TLDC2: variants seen among roughly 807,000 people sequenced by gnomAD.
The protein encoded by TLDC2 is TLD domain-containing protein 2.
Under a neutral mutation model 27.9 loss-of-function variants are expected in TLDC2, and 23 were observed. The observed-to-expected ratio is 0.82, with a 90% CI of 0.59 to 1.17. The LOEUF (loss-of-function observed/expected upper bound fraction) is 1.17. TLDC2 is among the 50% of genes most tolerant of loss of function. The pLI is 0.00. For synonymous variants in TLDC2, 124 were observed against 107.4 expected (o/e 1.16, Z -0.96); for missense variants, 286 against 273.4 (o/e 1.05, Z -0.32).
intron 4 of TLDC2, among the ~76,000 whole-genome samples, chr20:36,881,730 G>GGA (rs1601097441): frequency 6.6e-6 from 1 of 152,172 alleles, no homozygotes; most frequent in East Asian, 1.9e-4. Flanking sequence ...GGAGGGGAGG[G>GGA]GAGAGAAGCG....
rs1319450129 is a variant in TLDC2 at position 36,886,706 on chromosome 20, G to A, written c.439-749G>A. On this transcript the variant is annotated intron_variant, in intron 4 of 6. Coordinates refer to ENST00000217320, the MANE Select transcript of TLDC2 (RefSeq NM_080628.3). Reference sequence around the variant, plus strand: ...ACTCCTGGCCTCAAGTGATCCTCCCGCCTCAGCCTACTGAGTAGCTGGGAT... The same window carrying A: ...ACTCCTGGCCTCAAGTGATCCTCCCACCTCAGCCTACTGAGTAGCTGGGAT... Among the ~76,000 whole-genome samples, 7 of 152,064 alleles carry A rather than the reference G, an allele frequency of 4.6e-5. 1 individual carries two copies. The highest frequency in any genetic ancestry group is 4.6e-4 in the Admixed American group (7 of 15,266).
Position 36,886,070 on chromosome 20 carries a change from G to C in TLDC2, c.439-1385G>C, listed in dbSNP as rs114179192. 1.6e-4 allele frequency among the ~76,000 whole-genome samples: 24 copies of C among 152,304 alleles called. No individual in the cohort carries two copies. In the South Asian group the frequency reaches 4.6e-3, roughly 29 times the overall value. ...GCTAATGTGTAGTCAATAAGGGGGA[G>C]AAGGGGCCAGAGAGAAAATCAGGGG... is the stretch of plus-strand genomic sequence containing the variant. On this transcript the variant is annotated intron_variant, in intron 4 of 6. Transcript: ENST00000217320.
intron 4 of TLDC2, among the ~76,000 whole-genome samples, chr20:36,883,535 G>C (rs1372248487): frequency 6.6e-6 from 1 of 152,186 alleles, no homozygotes; most frequent in East Asian, 1.9e-4. Flanking sequence ...CAAAGTGAAT[G>C]GCATCTCCAT....
chr20:36,887,546 C>T lies in TLDC2; in HGVS notation c.512+18C>T. 1 of 1,611,858 alleles carries T rather than the reference C, an allele frequency of 6.2e-7. No individual in the cohort carries two copies. The highest frequency in any genetic ancestry group is 8.5e-7 in the Non-Finnish European group (1 of 1,177,956). ...AGTGGCAGGTGAGTGTCTCAGTCTTCCCGAGTCTTGGGGCGGTCTGTGTTC... is the reference window on the plus strand; with the variant it reads ...AGTGGCAGGTGAGTGTCTCAGTCTTTCCGAGTCTTGGGGCGGTCTGTGTTC... On this transcript the variant is annotated intron_variant, in intron 5 of 6. Coordinates refer to ENST00000217320, the MANE Select transcript of TLDC2 (RefSeq NM_080628.3).
Position 36,893,220 on chromosome 20 carries a change from CTGTG to C in TLDC2, c.*377_*380del. On this transcript the variant is annotated 3_prime_UTR_variant, in exon 7 of 7. Coordinates refer to ENST00000217320, the MANE Select transcript of TLDC2 (RefSeq NM_080628.3). Reference sequence around the variant, plus strand: ...AGGGAAACTCCAAATTACATATGCCCTGTGCTTGGGGCAAATTAGAAACACTACA... The same window carrying C: ...AGGGAAACTCCAAATTACATATGCCCCTTGGGGCAAATTAGAAACACTACA... The C allele has an allele frequency of 1.1e-6, 1 of 902,832 alleles. No homozygotes were observed. Among genetic ancestry groups the C allele is most frequent in the Non-Finnish European group, 1.7e-6 (1 of 582,580 alleles). 55.9% of individuals were successfully genotyped at this position (902,832 alleles called of 1,614,324 possible). A position where few individuals can be genotyped will look rare whatever the true frequency, so the allele number is the denominator to read the frequency against.
At chr20:36,882,665 G>A (rs1268064630) in intron 4 of TLDC2, among the ~76,000 whole-genome samples, 10 of 152,170 alleles carry the variant, frequency 6.6e-5, no homozygotes, top group Admixed American at 5.9e-4. Context: ...ATGACAGGGA[G>A]TTCACAAGGA....
At chr20:36,877,765 T>C (rs1485115569) in intron 1 of TLDC2, 134 bp from the exon 2 acceptor site, 3 of 1,042,098 alleles carry the variant, frequency 2.9e-6, no homozygotes, top group African/African-American at 1.6e-5. Context: ...CCAACTACCC[T>C]GGGCTGGGCT....
At chr20:36,891,694 CTT>C (rs1264718810) in intron 6 of TLDC2, 2 of 148,658 alleles carry the variant, frequency 1.3e-5, no homozygotes, top group East Asian at 2.0e-4. Flanking sequence ...AGTGTTTGTG[CTT>C]TTTTTTTTGG....
chr20:36,893,015 C>T lies in TLDC2; in HGVS notation c.*171C>T, dbSNP rs761596589. 3.0e-5 allele frequency: 48 copies of T among 1,613,810 alleles called. 3 individuals are homozygous for T. In the Middle Eastern group the frequency reaches 5.6e-3, roughly 189 times the overall value. The stretch of plus-strand genomic sequence containing the variant: ...GTTGGATTTTGGACTGAAGTACTGT[C>T]GTTCCATTCCTTTTTTTGAGGTGTT... On this transcript the variant is annotated 3_prime_UTR_variant, in exon 7 of 7. Coordinates refer to ENST00000217320, the MANE Select transcript of TLDC2 (RefSeq NM_080628.3).
chr20:36,883,586 C>T (rs1568750602), intron 4 of TLDC2, among the ~76,000 whole-genome samples: 1 of 152,198 alleles, frequency 6.6e-6, no homozygotes, highest in East Asian at 1.9e-4. Flanking sequence ...TCTTCCTTAA[C>T]TCTTGTCTTT....
intron 6 of TLDC2, chr20:36,889,766 A>G (rs1990014742): frequency 6.1e-6 from 1 of 163,534 alleles, no homozygotes; most frequent in Admixed American, 6.4e-5. Flanking sequence ...CCTCATGAAC[A>G]TTATCATTTT....
rs775416975 is a variant in TLDC2 at position 36,880,715 on chromosome 20, G to A, written c.403G>A (p.Glu135Lys). 13 of 1,614,070 alleles carry A rather than the reference G, an allele frequency of 8.1e-6. No homozygotes were observed. In the Admixed American group the frequency reaches 1.0e-4, roughly 12 times the overall value. ...CAGCAAAGGCTTCTATGGTACTGGC[G>A]AGACATTCCTCTTCTCCTTCTCCCC... ...RLSKGFYGTG[E>K]TFLFSFSPQL... The change falls in exon 4 of 7, where the codon GAG (glutamate) becomes AAG (lysine). Residue 135 changes from glutamate to lysine, a missense_variant. Transcript: ENST00000217320.
intron 4 of TLDC2, among the ~76,000 whole-genome samples, chr20:36,884,093 TAAACAAAC>T (rs202015981): frequency 6.6e-6 from 1 of 151,664 alleles, no homozygotes; most frequent in Non-Finnish European, 1.5e-5. Context: ...GACTCTGTCT[TAAACAAAC>T]AAACAAACAA....
chr20:36,879,413 G>T (rs978848066), intron 3 of TLDC2, among the ~76,000 whole-genome samples: 2 of 152,188 alleles, frequency 1.3e-5, no homozygotes, highest in African/African-American at 4.8e-5. Flanking sequence ...CCAGGTGAGA[G>T]GTGGGATAGA....
intron 4 of TLDC2, among the ~76,000 whole-genome samples, chr20:36,881,057 C>T (rs989239455): frequency 5.9e-5 from 9 of 152,102 alleles, no homozygotes; most frequent in Non-Finnish European, 7.4e-5. Flanking sequence ...GGTGGCAGGA[C>T]GACAAAGGAG....
At chr20:36,889,128 G>A in intron 5 of TLDC2, 123 bp from the exon 6 acceptor site, 1 of 1,388,890 alleles carries the variant, frequency 7.2e-7, no homozygotes, top group Non-Finnish European at 9.8e-7. Context: ...TGCTTTAAGG[G>A]GCGATAAGAC....
intron 4 of TLDC2, among the ~76,000 whole-genome samples, chr20:36,883,357 G>A (rs1011026523): frequency 1.3e-5 from 2 of 151,910 alleles, no homozygotes; most frequent in African/African-American, 4.8e-5. Flanking sequence ...GGCTGGTTTT[G>A]AACTCCTGAG....
At chr20:36,877,816 C>T (rs148385004) in intron 1 of TLDC2, 83 bp from the exon 2 acceptor site, 54 of 1,494,328 alleles carry the variant, frequency 3.6e-5, no homozygotes, top group Middle Eastern at 2.5e-4. Context: ...TGAGGTGGCC[C>T]GAGGAGGCTC....
At chr20:36,891,120 T>C (rs1462957644) in intron 6 of TLDC2, 1 of 152,220 alleles carries the variant, frequency 6.6e-6, no homozygotes, top group African/African-American at 2.4e-5. Flanking sequence ...GCTGAGCCCA[T>C]ATGTGAACAA....
Sources: allele counts gnomAD v4.1 joint callset (sites outside exome capture counted in the v4.1 genomes callset), GRCh38; gene constraint gnomAD v4.1.1; transcripts MANE v1.5; gene names NCBI Gene and HGNC (gene_info 2026-07-23, HGNC 2026-07-21).